The following FAM184A variants were observed in gnomAD, a reference collection of about 807,000 sequenced individuals.
FAM184A encodes protein FAM184A.
FAM184A carries 99 observed loss-of-function variants against 143.8 expected under a neutral mutation model. That is an observed-to-expected ratio of 0.69 (90% confidence interval 0.58 to 0.81). The LOEUF is 0.81. Among genes scored for constraint, FAM184A ranks in the 40% least tolerant of loss-of-function variants. FAM184A has a pLI of 0.00. For synonymous variants in FAM184A, 427 were observed against 446.4 expected (o/e 0.96, Z 0.55); for missense variants, 1,217 against 1,310.5 (o/e 0.93, Z 1.10).
At chr6:119,101,877 G>A (rs1788646086) in intron 1 of FAM184A, among the ~76,000 whole-genome samples, 1 of 152,078 alleles carries the variant, frequency 6.6e-6, no homozygotes, top group Non-Finnish European at 1.5e-5. Context: ...ACAACATGAT[G>A]AAACCCTGTC....
chr6:119,092,886 T>C (rs1334745788), intron 1 of FAM184A, among the ~76,000 whole-genome samples: 1 of 152,150 alleles, frequency 6.6e-6, no homozygotes, highest in Non-Finnish European at 1.5e-5. Flanking sequence ...AGTCAAGTAA[T>C]ATTTTTGTAG....
chr6:118,966,982 A>T (rs1036227217), intron 14 of FAM184A, 30 bp from the exon 15 acceptor site: 2 of 1,074,034 alleles, frequency 1.9e-6, no homozygotes, highest in Non-Finnish European at 2.8e-6. Flanking sequence ...TAGCTCATTG[A>T]TATCACTCAG....
chr6:119,109,216 A>G (rs1022791413), intron 1 of FAM184A, among the ~76,000 whole-genome samples: 1 of 152,158 alleles, frequency 6.6e-6, no homozygotes, highest in Non-Finnish European at 1.5e-5. Context: ...TCTTATGCTA[A>G]TGTGTCTTTA....
At chr6:119,027,182 T>C (rs1427505581) in intron 1 of FAM184A, among the ~76,000 whole-genome samples, 3 of 152,128 alleles carry the variant, frequency 2.0e-5, no homozygotes, top group African/African-American at 7.2e-5. Flanking sequence ...CCTAGAGATG[T>C]CCCACTTTCC....
chr6:119,032,143 G>A (rs559318238), intron 1 of FAM184A, among the ~76,000 whole-genome samples: 23 of 152,032 alleles, frequency 1.5e-4, no homozygotes, highest in African/African-American at 4.6e-4. Flanking sequence ...ATGGTGGTAC[G>A]TGCCTATAAT....
intron 1 of FAM184A, among the ~76,000 whole-genome samples, chr6:119,139,065 G>T (rs1273429572): frequency 1.3e-5 from 2 of 152,162 alleles, no homozygotes; most frequent in African/African-American, 4.8e-5. Context: ...CACAGGTTCT[G>T]GGGGCCAGGA....
At chr6:119,144,407 A>G (rs1489782160) in intron 1 of FAM184A, among the ~76,000 whole-genome samples, 1 of 152,060 alleles carries the variant, frequency 6.6e-6, no homozygotes, top group Admixed American at 6.6e-5. Context: ...CATTCACAGA[A>G]AGGGGGCTGC....
intron 1 of FAM184A, among the ~76,000 whole-genome samples, chr6:119,045,609 T>C (rs955266823): frequency 6.6e-6 from 1 of 152,098 alleles, no homozygotes; most frequent in Non-Finnish European, 1.5e-5. Context: ...AGAGGGGATG[T>C]AGGGTAGGAT....
intron 9 of FAM184A, among the ~76,000 whole-genome samples, chr6:118,999,890 C>CT (rs1784694005): frequency 6.6e-6 from 1 of 152,200 alleles, no homozygotes; most frequent in Non-Finnish European, 1.5e-5. Flanking sequence ...TCAGTACAAA[C>CT]TGCTTGGATC....
rs527777218 is a variant in FAM184A, at chr6:119,059,043, C to T, written c.159+19098G>A. ...ACAGGGCCTTGCTCTGTTGCCCAGG[C>T]TGGAGTGCACTGGCACAATCTCAGC... On this transcript the variant is annotated intron_variant, in intron 1 of 17. Coordinates refer to ENST00000338891, the MANE Select transcript of FAM184A (RefSeq NM_024581.6). Among the ~76,000 whole-genome samples the T allele has an allele frequency of 2.6e-5, 4 of 152,232 alleles. No individual in the cohort carries two copies. The South Asian group carries it at 8.3e-4, about 32-fold the overall frequency.
intron 3 of FAM184A, 52 bp from the exon 4 acceptor site, chr6:119,020,211 G>A (rs1785397238): frequency 7.3e-7 from 1 of 1,370,122 alleles, no homozygotes; most frequent in African/African-American, 1.5e-5. Context: ...TGTACTATGA[G>A]ATAAACAGTT....
chr6:118,964,986 G>C (rs1247665323), intron 15 of FAM184A, among the ~76,000 whole-genome samples: 1 of 152,132 alleles, frequency 6.6e-6, no homozygotes, highest in Non-Finnish European at 1.5e-5. Context: ...CCGAGCACTT[G>C]ACCCTTTTCC....
At chr6:119,015,077 AAAAAG>A (rs1462539605) in intron 5 of FAM184A, among the ~76,000 whole-genome samples, 2 of 151,186 alleles carry the variant, frequency 1.3e-5, no homozygotes, top group Non-Finnish European at 2.9e-5. Context: ...AAAAAAAAAG[AAAAAG>A]AAAAGAAAAG....
chr6:119,005,619 G>C (rs1234160613), intron 7 of FAM184A: 1 of 154,380 alleles, frequency 6.5e-6, no homozygotes, highest in African/African-American at 2.4e-5. Context: ...CCTTCATTGT[G>C]CAGATGTGGA....
Position 119,098,729 on chromosome 6 carries a change from C to T in FAM184A, c.-202+50349G>A, listed in dbSNP as rs142489009. Among the ~76,000 whole-genome samples, 6 of 152,214 alleles carry T rather than the reference C, an allele frequency of 3.9e-5. No homozygotes were observed. In the East Asian group the frequency reaches 7.7e-4, roughly 20 times the overall value. ...CAGGAAGAAATTTAGAACAAAGAAC[C>T]GTGGTCAGAGTTCAGTCCTCAATTC... On this transcript the variant is annotated intron_variant, in intron 1 of 16. Coordinates refer to the FAM184A transcript ENST00000352896.
chr6:119,002,871 A>G (rs1784804661), intron 9 of FAM184A, 28 bp downstream of exon 9: 1 of 1,541,464 alleles, frequency 6.5e-7, no homozygotes, highest in African/African-American at 1.4e-5. Flanking sequence ...GGGAGATGAA[A>G]CTTCATCATG....
rs754401382 is a variant in FAM184A at position 119,003,553 on chromosome 6, T to C, written c.1885A>G (p.Lys629Glu). 6.2e-7 allele frequency: 1 copy of C among 1,613,412 alleles called. No homozygotes were observed. Among genetic ancestry groups the C allele is most frequent in the East Asian group, 2.2e-5 (1 of 44,766 alleles). ...IAAMKEEEKL[K>E]VDKMAHDLEI... ...AAGTCATGGGCCATTTTGTCCACTT[T>C]GAGCTTCTCTTCTTCTTTCATGGCA... The change falls in exon 8 of 18, where the codon AAA becomes GAA. Residue 629 changes from lysine to glutamate, a missense_variant. Lys to Glu is a moderately conservative substitution (Grantham distance 56, BLOSUM62 1). Coordinates refer to ENST00000338891, the MANE Select transcript of FAM184A (RefSeq NM_024581.6).
chr6:119,073,181 C>A (rs1038623579), intron 1 of FAM184A, among the ~76,000 whole-genome samples: 5 of 152,186 alleles, frequency 3.3e-5, no homozygotes, highest in Non-Finnish European at 7.3e-5. Context: ...GAAAGCCCAA[C>A]AAGGGTAGCT....
intron 1 of FAM184A, among the ~76,000 whole-genome samples, chr6:119,145,717 G>A (rs1437643877): frequency 6.6e-6 from 1 of 152,206 alleles, no homozygotes; most frequent in Non-Finnish European, 1.5e-5. Flanking sequence ...ATTAGGAAGA[G>A]TTATGCACCA....
Sources: allele counts gnomAD v4.1 joint callset (sites outside exome capture counted in the v4.1 genomes callset), GRCh38; gene constraint gnomAD v4.1.1; transcripts MANE v1.5; gene names NCBI Gene and HGNC (gene_info 2026-07-23, HGNC 2026-07-21).